The following ELMO1 variants were observed in gnomAD, a reference collection of about 807,000 sequenced individuals.
The protein encoded by ELMO1 is engulfment and cell motility protein 1.
ELMO1 carries 26 observed loss-of-function variants against 98.9 expected under a neutral mutation model. The observed-to-expected ratio is 0.26, with a 90% CI of 0.19 to 0.36. ELMO1 has a LOEUF of 0.36. Ranked by LOEUF, ELMO1 falls within the 10% of genes least tolerant of loss-of-function variation. The pLI is 1.00. For missense variants in ELMO1, 627 were observed against 935.2 expected (o/e 0.67, Z 4.30); for synonymous variants, 346 against 346.0 (o/e 1.00, Z 0.00).
At chr7:36,878,541 T>C (rs1212043467) in intron 18 of ELMO1, among the ~76,000 whole-genome samples, 1 of 152,192 alleles carries the variant, frequency 6.6e-6, no homozygotes, top group African/African-American at 2.4e-5. Flanking sequence ...TTCAGACTGT[T>C]GAGACAGTTG....
intron 4 of ELMO1, among the ~76,000 whole-genome samples, chr7:37,283,507 C>A (rs1039118869): frequency 2.0e-5 from 3 of 152,232 alleles, no homozygotes; most frequent in Non-Finnish European, 4.4e-5. Context: ...TGACTCTAAT[C>A]TGTTAAACAG....
At chr7:37,150,271 G>A (rs1238989539) in intron 13 of ELMO1, among the ~76,000 whole-genome samples, 3 of 82,522 alleles carry the variant, frequency 3.6e-5, no homozygotes, top group East Asian at 7.0e-4. Context: ...CAGGCTATGC[G>A]GAATTCTTTT....
chr7:37,352,692 C>T (rs897077492), intron 1 of ELMO1, among the ~76,000 whole-genome samples: 5 of 152,156 alleles, frequency 3.3e-5, no homozygotes, highest in African/African-American at 1.2e-4. Context: ...ATTATCACCA[C>T]CTGCATCTAT....
chr7:37,405,846 C>T (rs1007075396), intron 1 of ELMO1, among the ~76,000 whole-genome samples: 23 of 152,276 alleles, frequency 1.5e-4, no homozygotes, highest in African/African-American at 5.3e-4. Context: ...AGGTCAACTC[C>T]GCTGGTCCCA....
intron 1 of ELMO1, among the ~76,000 whole-genome samples, chr7:37,421,508 C>T (rs1583731144): frequency 6.6e-6 from 1 of 152,302 alleles, no homozygotes; most frequent in East Asian, 1.9e-4. Flanking sequence ...AAAGTTCTCA[C>T]CCCAGATGCT....
At chr7:37,221,274 C>G (rs1423876666) in intron 10 of ELMO1, among the ~76,000 whole-genome samples, 2 of 152,160 alleles carry the variant, frequency 1.3e-5, no homozygotes, top group African/African-American at 4.8e-5. Flanking sequence ...AACCAGAACC[C>G]CTCATGTTTA....
At chr7:37,414,260 T>C (rs1427878330) in intron 1 of ELMO1, among the ~76,000 whole-genome samples, 1 of 152,124 alleles carries the variant, frequency 6.6e-6, no homozygotes, top group Non-Finnish European at 1.5e-5. Flanking sequence ...TAATGGGAAA[T>C]TGAAATATGC....
At chr7:37,409,163 A>T (rs1036695201) in intron 1 of ELMO1, among the ~76,000 whole-genome samples, 1 of 151,396 alleles carries the variant, frequency 6.6e-6, no homozygotes, top group Admixed American at 6.6e-5. Flanking sequence ...AAAATTCCTA[A>T]AACCTACTGG....
intron 13 of ELMO1, among the ~76,000 whole-genome samples, chr7:37,188,462 A>ACC: frequency 7.9e-6 from 1 of 126,528 alleles, no homozygotes; most frequent in African/African-American, 4.0e-5. Flanking sequence ...GCAAACACAC[A>ACC]CACACACAGG....
chr7:37,076,750 C>T (rs1486335745), intron 15 of ELMO1, among the ~76,000 whole-genome samples: 3 of 152,182 alleles, frequency 2.0e-5, no homozygotes, highest in Admixed American at 6.5e-5. Flanking sequence ...CACCTCCTTC[C>T]GACTGCCAGT....
chr7:37,139,241 A>G (rs1787462283), intron 13 of ELMO1, among the ~76,000 whole-genome samples: 1 of 152,206 alleles, frequency 6.6e-6, no homozygotes, highest in Admixed American at 6.5e-5. Context: ...CAAGAGAAAT[A>G]AATAAAGGGT....
intron 13 of ELMO1, among the ~76,000 whole-genome samples, chr7:37,140,696 C>A (rs1030104373): frequency 3.9e-5 from 6 of 152,076 alleles, no homozygotes; most frequent in African/African-American, 1.4e-4. Context: ...AAGAAAAAAA[C>A]AATCCCACCA....
chr7:36,866,195 TTTATAAA>T (rs1203787398), intron 20 of ELMO1, among the ~76,000 whole-genome samples: 2 of 152,178 alleles, frequency 1.3e-5, no homozygotes, highest in Non-Finnish European at 2.9e-5. Context: ...TCAGCTTATT[TTTATAAA>T]TTATAGAGTT....
chr7:37,197,826 C>T (rs1792061400), intron 13 of ELMO1, among the ~76,000 whole-genome samples: 1 of 152,118 alleles, frequency 6.6e-6, no homozygotes, highest in South Asian at 2.1e-4. Flanking sequence ...GTGCTGGATG[C>T]CTATAACTAC....
At chr7:37,426,088 C>T (rs1245968097) in intron 1 of ELMO1, among the ~76,000 whole-genome samples, 1 of 151,514 alleles carries the variant, frequency 6.6e-6, no homozygotes, top group African/African-American at 2.4e-5. Context: ...GGGCAAGTTA[C>T]CCAGCCTCTC....
chr7:36,980,710 T>C (rs1019429654), intron 16 of ELMO1, among the ~76,000 whole-genome samples: 4 of 152,236 alleles, frequency 2.6e-5, no homozygotes, highest in Non-Finnish European at 4.4e-5. Flanking sequence ...ATGATAATTT[T>C]ACGTATGTGA....
intron 15 of ELMO1, among the ~76,000 whole-genome samples, chr7:37,095,966 G>C (rs1784348266): frequency 6.6e-6 from 1 of 152,180 alleles, no homozygotes; most frequent in South Asian, 2.1e-4. Context: ...TGATAATAGG[G>C]ACAGGTTAAA....
intron 4 of ELMO1, among the ~76,000 whole-genome samples, chr7:37,305,275 G>A (rs961297332): frequency 2.0e-5 from 3 of 152,162 alleles, no homozygotes; most frequent in Admixed American, 6.5e-5. Flanking sequence ...CTTAGAGGAC[G>A]TTATTTGCTA....
chr7:36,962,872 C>T (rs1333646421), intron 16 of ELMO1, among the ~76,000 whole-genome samples: 1 of 151,980 alleles, frequency 6.6e-6, no homozygotes, highest in East Asian at 1.9e-4. Flanking sequence ...TCACTGTTCT[C>T]CCCACTATTA....
Sources: gnomAD v4.1 joint callset for allele counts (sites outside exome capture counted in the v4.1 genomes callset) on GRCh38, gnomAD v4.1.1 for gene constraint, MANE v1.5 for transcripts, NCBI Gene and HGNC (gene_info 2026-07-23, HGNC 2026-07-21) for gene names.